The following GRIK2 variants were observed in gnomAD, a reference collection of about 807,000 sequenced individuals.
The protein encoded by GRIK2 is glutamate ionotropic receptor kainate type subunit 2.
A neutral mutation model predicts 100.3 loss-of-function variants in GRIK2; 32 were observed. That is an observed-to-expected ratio of 0.32 (90% confidence interval 0.24 to 0.43). GRIK2 has a LOEUF of 0.43. Ranked by LOEUF, GRIK2 falls within the 20% of genes least tolerant of loss-of-function variation. The probability of loss-of-function intolerance (pLI) is 1.00; values close to 1 mark genes in which losing one functional copy is unlikely to be tolerated. For synonymous variants in GRIK2, 417 were observed against 389.4 expected (o/e 1.07, Z -0.83); for missense variants, 843 against 1,114.9 (o/e 0.76, Z 3.47).
At chr6:102,038,282 G>A (rs1399258828) in intron 15 of GRIK2, among the ~76,000 whole-genome samples, 1 of 151,386 alleles carries the variant, frequency 6.6e-6, no homozygotes, top group Non-Finnish European at 1.5e-5. Flanking sequence ...GCAGGGGTCT[G>A]TTAGGCTGCC....
chr6:101,651,036 C>A (rs1366409703), intron 4 of GRIK2, among the ~76,000 whole-genome samples: 5 of 122,248 alleles, frequency 4.1e-5, no homozygotes, highest in African/African-American at 1.5e-4. Context: ...CAACAAATAG[C>A]TTTCTTTTAA....
chr6:101,904,300 T>C (rs1348081843), intron 12 of GRIK2, among the ~76,000 whole-genome samples: 1 of 151,474 alleles, frequency 6.6e-6, no homozygotes, highest in Non-Finnish European at 1.5e-5. Flanking sequence ...AAGCATAAGA[T>C]CGTGTCACAT....
At chr6:101,481,099 A>G (rs1440852297) in intron 2 of GRIK2, among the ~76,000 whole-genome samples, 3 of 152,216 alleles carry the variant, frequency 2.0e-5, no homozygotes, top group Non-Finnish European at 4.4e-5. Flanking sequence ...ATGTAAAAAA[A>G]CATCCTTGGT....
chr6:101,968,916 T>C (rs1792867770), intron 14 of GRIK2, among the ~76,000 whole-genome samples: 1 of 152,026 alleles, frequency 6.6e-6, no homozygotes, highest in Non-Finnish European at 1.5e-5. Flanking sequence ...AATGAATACA[T>C]TTGTCCAATT....
At chr6:101,868,949 A>G (rs920216535) in intron 11 of GRIK2, among the ~76,000 whole-genome samples, 3 of 151,924 alleles carry the variant, frequency 2.0e-5, no homozygotes, top group Admixed American at 2.0e-4. Context: ...TATATACTTT[A>G]GATAGTACAA....
rs577986147 is a variant in GRIK2, at chr6:101,521,881, T to G, written c.116-100068T>G. Among the ~76,000 whole-genome samples, 3 of 152,128 alleles carry G rather than the reference T, an allele frequency of 2.0e-5. 1 individual carries two copies. In the South Asian group the frequency reaches 6.2e-4, roughly 31 times the overall value. On this transcript the variant is annotated intron_variant, in intron 2 of 16. Coordinates refer to ENST00000369134, the MANE Select transcript of GRIK2 (RefSeq NM_021956.5). ...ATGTATAAAATAAGAATGTTTAATC[T>G]TCCAGAAAAATGCATTGTTTGGATT...
intron 8 of GRIK2, 117 bp downstream of exon 8, chr6:101,799,908 C>T (rs551851519): frequency 1.3e-6 from 1 of 784,256 alleles, no homozygotes; most frequent in South Asian, 1.9e-5. Flanking sequence ...TAAATTTTCT[C>T]TCTTACTCCA....
intron 2 of GRIK2, among the ~76,000 whole-genome samples, chr6:101,417,621 C>A (rs183476700): frequency 9.4e-4 from 143 of 152,302 alleles, no homozygotes; most frequent in Non-Finnish European, 1.8e-3. Flanking sequence ...ACTCCACCTC[C>A]CCCTAAAAGG....
chr6:102,023,854 T>G (rs552169489), intron 14 of GRIK2, among the ~76,000 whole-genome samples: 1 of 151,512 alleles, frequency 6.6e-6, no homozygotes, highest in Middle Eastern at 3.4e-3. Context: ...AAAAGTAATA[T>G]TGAGATTTAT....
At chr6:101,441,237 GAGT>G (rs1176920353) in intron 2 of GRIK2, among the ~76,000 whole-genome samples, 1 of 152,050 alleles carries the variant, frequency 6.6e-6, no homozygotes, top group Non-Finnish European at 1.5e-5. Context: ...GATTCTTTCT[GAGT>G]AGTCTACTCT....
chr6:102,060,573 C>T (rs1423963216), intron 16 of GRIK2, among the ~76,000 whole-genome samples: 1 of 150,608 alleles, frequency 6.6e-6, no homozygotes, highest in African/African-American at 2.4e-5. Flanking sequence ...AGGAGCAATG[C>T]TTTTTAGAAG....
chr6:101,412,535 TGAA>T (rs1381844001), intron 2 of GRIK2, among the ~76,000 whole-genome samples: 2 of 152,048 alleles, frequency 1.3e-5, no homozygotes, highest in Non-Finnish European at 2.9e-5. Flanking sequence ...AGATAAATAT[TGAA>T]GAAAAAACTC....
chr6:101,878,563 T>A (rs1786029337), intron 11 of GRIK2, among the ~76,000 whole-genome samples: 1 of 151,982 alleles, frequency 6.6e-6, no homozygotes, highest in Non-Finnish European at 1.5e-5. Flanking sequence ...CTATTAGATA[T>A]TTTAAACAAT....
chr6:101,439,267 AGCAGAGATGGTTTCAT>A (rs1181838850), intron 2 of GRIK2, among the ~76,000 whole-genome samples: 2 of 152,120 alleles, frequency 1.3e-5, no homozygotes, highest in Non-Finnish European at 2.9e-5. Flanking sequence ...TGTCCTGGGA[AGCAGAGATGGTTTCAT>A]TGGATGCCCA....
chr6:101,682,536 T>A lies in GRIK2; in HGVS notation c.724-17T>A. ...TTCCTGAAATATGTACCTTCAGTAA[T>A]TTTTTTTTTTCCTTAGGCATTAGCT... On this transcript the variant is annotated splice_polypyrimidine_tract_variant and intron_variant, in intron 5 of 16. Transcript: ENST00000369134. 1.3e-5 allele frequency: 9 copies of A among 700,020 alleles called. No individual in the cohort carries two copies. The African/African-American group carries it at 1.5e-4, about 12-fold the overall frequency. 43.4% of individuals were successfully genotyped at this position (700,020 alleles called of 1,614,324 possible).
intron 14 of GRIK2, among the ~76,000 whole-genome samples, chr6:102,022,698 A>G (rs944139944): frequency 1.3e-5 from 2 of 151,626 alleles, no homozygotes; most frequent in African/African-American, 2.4e-5. Flanking sequence ...CTTCAATATT[A>G]TATTTTTTAT....
chr6:101,756,758 CT>C (rs565795975), intron 7 of GRIK2, among the ~76,000 whole-genome samples: 12 of 152,128 alleles, frequency 7.9e-5, no homozygotes, highest in Non-Finnish European at 1.3e-4. Context: ...TACAAGAGTA[CT>C]ACAACTTCTT....
intron 12 of GRIK2, among the ~76,000 whole-genome samples, chr6:101,910,648 G>A (rs2128465369): frequency 6.6e-6 from 1 of 151,260 alleles, no homozygotes; most frequent in South Asian, 2.1e-4. Context: ...TGACTTTCAG[G>A]TGTATTCTCT....
At chr6:101,984,392 C>A (rs1316437261) in intron 14 of GRIK2, among the ~76,000 whole-genome samples, 1 of 151,446 alleles carries the variant, frequency 6.6e-6, no homozygotes, top group African/African-American at 2.4e-5. Flanking sequence ...AAGTGTCTGA[C>A]AAGGAAAGAA....
Sources: gnomAD v4.1 joint callset for allele counts (sites outside exome capture counted in the v4.1 genomes callset) on GRCh38, gnomAD v4.1.1 for gene constraint, MANE v1.5 for transcripts, NCBI Gene and HGNC (gene_info 2026-07-23, HGNC 2026-07-21) for gene names.